Variants in BUB1 observed in about 807,000 individuals in gnomAD.
BUB1 encodes the protein BUB1 mitotic checkpoint serine/threonine kinase.
A neutral mutation model predicts 135.2 loss-of-function variants in BUB1; 84 were observed. The ratio of observed to expected loss-of-function variants is 0.62; its 90% CI spans 0.52 to 0.74. The LOEUF (loss-of-function observed/expected upper bound fraction) is 0.74, where lower values mean the gene tolerates loss of function less well. BUB1 is among the 30% of genes least tolerant of loss of function. The pLI is 0.00. For synonymous variants in BUB1, 403 were observed against 434.4 expected (o/e 0.93, Z 0.90); for missense variants, 1,162 against 1,288.3 (o/e 0.90, Z 1.50).
chr2:110,659,997 A>G lies in BUB1; in HGVS notation c.1257T>C (p.Ser419=), dbSNP rs1208119939. The stretch of plus-strand genomic sequence containing the variant: ...CATTACCTTCTTTGATCTCTGCTCC[A>G]CTCTGTGGCTTGAATTCATGAGTAC... The part of the protein sequence containing the change: ...NKSTHEFKPQ[S]GAEIKEGCET... Residue 419 remains serine, a synonymous_variant, in exon 11 of 25, where the codon AGT becomes AGC. Coordinates refer to ENST00000302759, the MANE Select transcript of BUB1 (RefSeq NM_004336.5). 6.2e-6 allele frequency: 10 copies of G among 1,611,534 alleles called. No homozygotes were observed. The highest frequency in any genetic ancestry group is 7.6e-6 in the Non-Finnish European group (9 of 1,177,934).
rs890320634 is a variant in BUB1 at position 110,672,713 on chromosome 2, T to C, written c.370A>G (p.Arg124Gly). 3.1e-6 allele frequency: 5 copies of C among 1,612,726 alleles called. No homozygotes were observed. The highest frequency in any genetic ancestry group is 4.2e-6 in the Non-Finnish European group (5 of 1,179,562). Residue 124 changes from arginine to glycine, a missense_variant, in exon 4 of 25, where the codon AGA (arginine) becomes GGA (glycine). By Grantham distance (125) the Arg-to-Gly change is moderately radical (BLOSUM62 -2). Coordinates refer to ENST00000302759, the MANE Select transcript of BUB1 (RefSeq NM_004336.5). ...GGTTCAGCCTGGTTTTGAATTCCTC[T>C]CTGAAGGACAGCACTGGCATGCTGC... ...ELQHASAVLQ[R>G]GIQNQAEPRE...
intron 19 of BUB1, among the ~76,000 whole-genome samples, chr2:110,646,167 C>CA (rs1157342273): frequency 0.24 from 12,540 of 53,144 alleles, 890 homozygotes; most frequent in African/African-American, 0.41. Flanking sequence ...TATCTCTACC[C>CA]AAAAAAAAAA....
intron 19 of BUB1, among the ~76,000 whole-genome samples, chr2:110,644,486 A>G (rs2104518754): frequency 6.6e-6 from 1 of 152,024 alleles, no homozygotes; most frequent in Non-Finnish European, 1.5e-5. Flanking sequence ...CTCAAAAAAA[A>G]AAAAAAAAAA....
intron 11 of BUB1, 64 bp downstream of exon 11, chr2:110,659,914 A>G: frequency 7.0e-7 from 1 of 1,431,608 alleles, no homozygotes; most frequent in Non-Finnish European, 9.7e-7. Flanking sequence ...ACAGCCACAA[A>G]ATACACCTCT....
At chr2:110,671,426 T>A (rs1343614522) in intron 4 of BUB1, among the ~76,000 whole-genome samples, 2 of 152,252 alleles carry the variant, frequency 1.3e-5, no homozygotes, top group Non-Finnish European at 1.5e-5. Flanking sequence ...TTATACTAAT[T>A]TTTTCTTTTT....
chr2:110,676,488 A>T (rs1690587998), intron 1 of BUB1: 1 of 152,224 alleles, frequency 6.6e-6, no homozygotes, highest in Non-Finnish European at 1.5e-5. Context: ...GCTTCTGCAG[A>T]TCTAGAAGAC....
intron 16 of BUB1, among the ~76,000 whole-genome samples, 166 bp downstream of exon 16, chr2:110,655,573 C>A (rs1467240711): frequency 6.6e-6 from 1 of 151,696 alleles, no homozygotes; most frequent in Non-Finnish European, 1.5e-5. Context: ...GAAAAAAAAA[C>A]CTATGAACAA....
intron 23 of BUB1, among the ~76,000 whole-genome samples, chr2:110,640,255 G>A (rs1236336662): frequency 6.6e-6 from 1 of 151,944 alleles, no homozygotes; most frequent in East Asian, 1.9e-4. Context: ...GAACACTCCA[G>A]CCCCATCCAC....
At chr2:110,656,799 AC>A (rs1689947087) in intron 15 of BUB1, among the ~76,000 whole-genome samples, 1 of 152,246 alleles carries the variant, frequency 6.6e-6, no homozygotes, top group Non-Finnish European at 1.5e-5. Context: ...ATGTGAAACC[AC>A]CACAGTAATG....
intron 19 of BUB1, 93 bp from the exon 20 acceptor site, chr2:110,642,327 T>C (rs1689527383): frequency 9.0e-6 from 7 of 776,120 alleles, no homozygotes; most frequent in Non-Finnish European, 1.4e-5. Context: ...TAGAGTTTTC[T>C]GTATACTTCG....
At chr2:110,650,501 C>T (rs780263145) in intron 18 of BUB1, 45 bp downstream of exon 18, 4 of 1,574,216 alleles carry the variant, frequency 2.5e-6, no homozygotes, top group Non-Finnish European at 3.5e-6. Flanking sequence ...TTTCCCCATG[C>T]TCCTGTCCTG....
chr2:110,639,748 A>G lies in BUB1; in HGVS notation c.3056T>C (p.Phe1019Ser). The change falls in exon 24 of 25, where the codon TTT becomes TCT. Residue 1019 changes from phenylalanine to serine, a missense_variant. By Grantham distance (155) the Phe-to-Ser change is radical. Transcript: ENST00000302759. The stretch of plus-strand genomic sequence containing the variant: ...CACCAATGCTAATACTCACCTTCTA[A>G]AAAGACCTTCAGGCTTACACTCTCC... ...EGGECKPEGLFRRLPHLDMWN... is the reference protein window; with the variant it reads ...EGGECKPEGLSRRLPHLDMWN... The G allele has an allele frequency of 1.9e-6, 3 of 1,610,592 alleles. No individual in the cohort carries two copies. Among genetic ancestry groups the G allele is most frequent in the Non-Finnish European group, 2.5e-6 (3 of 1,176,904 alleles).
chr2:110,666,955 T>C (rs996573697), intron 8 of BUB1, among the ~76,000 whole-genome samples: 1 of 152,164 alleles, frequency 6.6e-6, no homozygotes, highest in South Asian at 2.1e-4. Context: ...AACACATCTA[T>C]GCCCAGCACA....
At position 110,653,478 on chromosome 2, in the gene BUB1, C is replaced by T. The variant is rs189411019; in HGVS notation, c.1922G>A (p.Cys641Tyr). ...TGAAGGCACCACCATGTTTTCCTCACAAGAATCCAAAGTCGCCTGGGTACA... is the reference window on the plus strand; with the variant it reads ...TGAAGGCACCACCATGTTTTCCTCATAAGAATCCAAAGTCGCCTGGGTACA... Reference protein sequence around the residue: ...KQCTQATLDSCEENMVVPSRD... With the variant: ...KQCTQATLDSYEENMVVPSRD... Residue 641 changes from cysteine to tyrosine, a missense_variant, in exon 17 of 25, where the codon TGT becomes TAT. Cys to Tyr is a radical substitution (Grantham distance 194, BLOSUM62 -2). Transcript: ENST00000302759. The T allele has an allele frequency of 1.2e-6, 2 of 1,613,962 alleles. No individual in the cohort carries two copies. The highest frequency in any genetic ancestry group is 1.7e-5 in the Admixed American group (1 of 59,986).
At chr2:110,675,491 G>A (rs1310419358) in intron 1 of BUB1, among the ~76,000 whole-genome samples, 1 of 152,114 alleles carries the variant, frequency 6.6e-6, no homozygotes, top group Non-Finnish European at 1.5e-5. Context: ...AAAGGTGGGG[G>A]TGACAAGACC....
chr2:110,657,611 A>G lies in BUB1; in HGVS notation c.1551T>C (p.Asn517=), dbSNP rs774255894. 1.2e-6 allele frequency: 2 copies of G among 1,606,110 alleles called. No individual in the cohort carries two copies. Among genetic ancestry groups the G allele is most frequent in the Non-Finnish European group, 1.7e-6 (2 of 1,175,816 alleles). Residue 517 remains asparagine, a synonymous_variant, in exon 14 of 25, where the codon AAT becomes AAC. Transcript: ENST00000302759. ...NVRSSGAWGV[N]KIISSLSSAF... ...CAGATGACAAAGAAGAGATGATCTT[A>G]TTGACTCCCCAAGCCCCAGATGACC...
intron 9 of BUB1, among the ~76,000 whole-genome samples, chr2:110,664,877 ATAAT>A (rs1018333897): frequency 4.6e-5 from 7 of 152,256 alleles, no homozygotes; most frequent in Admixed American, 4.6e-4. Context: ...AAATCTACCT[ATAAT>A]TAAAGAAACT....
Position 110,669,373 on chromosome 2 carries a change from A to G in BUB1, c.567+80T>C, listed in dbSNP as rs141073526. On this transcript the variant is annotated intron_variant, in intron 6 of 24. Coordinates refer to ENST00000302759, the MANE Select transcript of BUB1 (RefSeq NM_004336.5). ...AGAAAGATCAAAGAAATGAGATGTC[A>G]AAGTGGATGTAGAAGGCAGCCAGGC... The G allele has an allele frequency of 7.0e-5, 67 of 962,090 alleles. No homozygotes were observed. The Middle Eastern group carries it at 1.1e-3, about 15-fold the overall frequency. The allele number at this position is 962,090 out of a possible 1,614,324, so 59.6% of individuals were successfully genotyped here. A position where few individuals can be genotyped will look rare whatever the true frequency, so the allele number is the denominator to read the frequency against.
chr2:110,659,018 G>A (rs556123448), intron 11 of BUB1, among the ~76,000 whole-genome samples: 7 of 152,282 alleles, frequency 4.6e-5, no homozygotes, highest in African/African-American at 1.7e-4. Context: ...TAGCAACTTT[G>A]TCATAAATTA....
Sources: allele counts gnomAD v4.1 joint callset (sites outside exome capture counted in the v4.1 genomes callset), GRCh38; gene constraint gnomAD v4.1.1; transcripts MANE v1.5; gene names NCBI Gene and HGNC (gene_info 2026-07-23, HGNC 2026-07-21).